Variants in SEC24B observed in about 807,000 individuals in gnomAD.
SEC24B encodes the protein SEC24 homolog B, COPII component, also known as protein transport protein Sec24B.
Under a neutral mutation model 142.8 loss-of-function variants are expected in SEC24B, and 45 were observed. That is an observed-to-expected ratio of 0.32 (90% confidence interval 0.25 to 0.40). SEC24B has a LOEUF of 0.40. Ranked by LOEUF, SEC24B falls within the 10% of genes least tolerant of loss-of-function variation. The probability of loss-of-function intolerance (pLI) is 1.00; values close to 1 mark genes in which losing one functional copy is unlikely to be tolerated. For missense variants in SEC24B, 1,409 were observed against 1,526.8 expected (o/e 0.92, Z 1.29); for synonymous variants, 574 against 568.2 (o/e 1.01, Z -0.15).
intron 18 of SEC24B, 21 bp downstream of exon 18, chr4:109,527,453 CA>C: frequency 6.7e-7 from 1 of 1,501,828 alleles, no homozygotes; most frequent in Non-Finnish European, 9.3e-7. Context: ...ATTGAAGGAA[CA>C]TGTGAAATGT....
intron 14 of SEC24B, among the ~76,000 whole-genome samples, chr4:109,523,494 A>G (rs1023880732): frequency 6.6e-6 from 1 of 152,098 alleles, no homozygotes; most frequent in African/African-American, 2.4e-5. Context: ...AACAATAATA[A>G]TAATAACAAT....
chr4:109,434,241 G>A (rs983988687), intron 1 of SEC24B, among the ~76,000 whole-genome samples: 24 of 151,982 alleles, frequency 1.6e-4, no homozygotes, highest in Non-Finnish European at 2.9e-4. Context: ...GGCGGGGGCC[G>A]GCCTGGGAAA....
chr4:109,508,075 C>G (rs1160205344), intron 7 of SEC24B, among the ~76,000 whole-genome samples: 1 of 152,182 alleles, frequency 6.6e-6, no homozygotes, highest in African/African-American at 2.4e-5. Context: ...AATTTCCCCT[C>G]TTCTTCCACT....
chr4:109,510,524 T>C (rs908265738), intron 8 of SEC24B, among the ~76,000 whole-genome samples: 6 of 152,178 alleles, frequency 3.9e-5, no homozygotes, highest in Admixed American at 1.3e-4. Flanking sequence ...TTTGAAAGAT[T>C]AGTAGTTTTG....
intron 16 of SEC24B, 92 bp downstream of exon 16, chr4:109,525,596 T>C (rs1724138065): frequency 1.3e-6 from 1 of 789,590 alleles, no homozygotes; most frequent in African/African-American, 1.8e-5. Context: ...CTGTTCATGA[T>C]GGAAGACTGT....
rs2126115415 is a variant in SEC24B at position 109,539,842 on chromosome 4, CAG to C, written c.*169_*170del. 7 of 579,878 alleles carry C rather than the reference CAG, an allele frequency of 1.2e-5. 1 individual carries two copies. The East Asian group carries it at 2.0e-4, about 17-fold the overall frequency. The allele number at this position is 579,878 out of a possible 1,614,324, so 35.9% of individuals were successfully genotyped here. The stretch of plus-strand genomic sequence containing the variant: ...AAGTAAAGGGGAAGAAAGAACTTGA[CAG>C]ATCTTTTTCAACTCAAATTAATGGT... On this transcript the variant is annotated 3_prime_UTR_variant, in exon 24 of 24. Coordinates refer to ENST00000265175, the MANE Select transcript of SEC24B (RefSeq NM_006323.5).
intron 6 of SEC24B, among the ~76,000 whole-genome samples, chr4:109,503,613 G>A (rs1736398057): frequency 6.6e-6 from 1 of 152,156 alleles, no homozygotes; most frequent in Non-Finnish European, 1.5e-5. Flanking sequence ...GCCCACTTCG[G>A]CCTCCCAAAG....
intron 1 of SEC24B, among the ~76,000 whole-genome samples, chr4:109,447,031 T>C (rs542458382): frequency 1.9e-4 from 29 of 152,294 alleles, no homozygotes; most frequent in African/African-American, 6.7e-4. Context: ...GGAAGCAATA[T>C]TATATAATGG....
chr4:109,468,985 G>A (rs1300393503), intron 2 of SEC24B, among the ~76,000 whole-genome samples: 1 of 152,132 alleles, frequency 6.6e-6, no homozygotes, highest in Admixed American at 6.5e-5. Context: ...AACTAACAGG[G>A]AACTAAGGAG....
chr4:109,505,532 C>T (rs4698789), intron 6 of SEC24B, among the ~76,000 whole-genome samples: 38,708 of 151,934 alleles, frequency 0.25, 5,489 homozygotes, highest in East Asian at 0.35. Flanking sequence ...GAACTGTCAA[C>T]GTGGACTCAT....
In SEC24B at chr4:109,520,429, CA is replaced by C; in HGVS notation, c.2192del (p.Asn731IlefsTer12). ...MTFDSTIHFY[N>X]LQEGLSQPQM... ...CCTTTGATAGCACTATTCATTTCTA[CA>C]ATTTACAAGAAGGATTATCACAGCC... On this transcript the variant is annotated frameshift_variant, in exon 12 of 24. Coordinates refer to ENST00000265175, the MANE Select transcript of SEC24B (RefSeq NM_006323.5). LOFTEE classifies it high-confidence loss of function. 6.2e-7 allele frequency: 1 copy of C among 1,612,174 alleles called. No homozygotes were observed. Among genetic ancestry groups the C allele is most frequent in the Non-Finnish European group, 8.5e-7 (1 of 1,178,514 alleles).
chr4:109,500,825 AT>A (rs1193499923), intron 6 of SEC24B, among the ~76,000 whole-genome samples: 4 of 151,844 alleles, frequency 2.6e-5, no homozygotes, highest in South Asian at 4.2e-4. Flanking sequence ...CGCCCGGCTA[AT>A]TTCTGTATTT....
chr4:109,538,054 C>A (rs1725751915), intron 22 of SEC24B, among the ~76,000 whole-genome samples: 1 of 151,994 alleles, frequency 6.6e-6, no homozygotes, highest in East Asian at 1.9e-4. Flanking sequence ...AAATTCTTTG[C>A]CTTTAAATTA....
At chr4:109,479,389 T>C (rs1733499475) in intron 3 of SEC24B, among the ~76,000 whole-genome samples, 1 of 152,208 alleles carries the variant, frequency 6.6e-6, no homozygotes, top group Non-Finnish European at 1.5e-5. Flanking sequence ...AAGGATGTCA[T>C]ATTTTACCAC....
At chr4:109,482,624 A>G (rs936877387) in intron 4 of SEC24B, among the ~76,000 whole-genome samples, 1 of 151,712 alleles carries the variant, frequency 6.6e-6, no homozygotes, top group Non-Finnish European at 1.5e-5. Flanking sequence ...TGTACTATAT[A>G]TATTTTTTTA....
At chr4:109,487,663 C>A (rs777782168) in intron 4 of SEC24B, among the ~76,000 whole-genome samples, 3 of 152,172 alleles carry the variant, frequency 2.0e-5, no homozygotes, top group African/African-American at 7.2e-5. Context: ...CTGATTAATG[C>A]GTTACTTAGA....
chr4:109,481,572 C>G (rs2125983337), intron 3 of SEC24B, 105 bp from the exon 4 acceptor site: 1 of 729,652 alleles, frequency 1.4e-6, no homozygotes, highest in East Asian at 2.5e-5. Context: ...TTGGGATGTT[C>G]TTTGGAATGT....
intron 5 of SEC24B, among the ~76,000 whole-genome samples, chr4:109,492,225 C>T (rs1375999534): frequency 6.6e-6 from 1 of 150,532 alleles, no homozygotes. Flanking sequence ...CTTTTCAGCT[C>T]AGTATGGAAT....
chr4:109,475,988 CTCTTT>C (rs1733089043), intron 3 of SEC24B, among the ~76,000 whole-genome samples: 1 of 137,174 alleles, frequency 7.3e-6, no homozygotes, highest in Non-Finnish European at 1.5e-5. Context: ...TTTTCTCTCT[CTCTTT>C]TTTTTTTTTT....
Sources: allele counts gnomAD v4.1 joint callset (sites outside exome capture counted in the v4.1 genomes callset), GRCh38; gene constraint gnomAD v4.1.1; transcripts MANE v1.5; gene names NCBI Gene and HGNC (gene_info 2026-07-23, HGNC 2026-07-21).